Variants in PTPN22 observed in about 807,000 individuals in gnomAD.
PTPN22 encodes protein tyrosine phosphatase non-receptor type 22, also known as tyrosine-protein phosphatase non-receptor type 22.
Under a neutral mutation model 103.3 loss-of-function variants are expected in PTPN22, and 85 were observed. The observed-to-expected ratio is 0.82, with a 90% confidence interval of 0.69 to 0.99. The LOEUF (loss-of-function observed/expected upper bound fraction) is 0.99, where lower values mean the gene tolerates loss of function less well. Among genes scored for constraint, PTPN22 ranks in the 50% least tolerant of loss-of-function variants. The probability of loss-of-function intolerance (pLI) is 0.00; values close to 1 mark genes in which losing one functional copy is unlikely to be tolerated. For missense variants in PTPN22, 865 were observed against 936.9 expected (o/e 0.92, Z 1.00); for synonymous variants, 323 against 310.2 (o/e 1.04, Z -0.43).
intron 11 of PTPN22, among the ~76,000 whole-genome samples, chr1:113,842,533 G>T (rs560633030): frequency 1.3e-5 from 2 of 152,028 alleles, no homozygotes; most frequent in African/African-American, 2.4e-5. Flanking sequence ...AATTATCTGG[G>T]CGTGGTGGCA....
chr1:113,823,937 G>A (rs1661825152), intron 19 of PTPN22, among the ~76,000 whole-genome samples: 1 of 152,182 alleles, frequency 6.6e-6, no homozygotes, highest in African/African-American at 2.4e-5. Flanking sequence ...TTTGGGTAGG[G>A]AGATAGAATG....
At chr1:113,819,772 C>A in intron 19 of PTPN22, 118 bp from the exon 20 acceptor site, 1 of 530,370 alleles carries the variant, frequency 1.9e-6, no homozygotes, top group South Asian at 5.6e-5. Flanking sequence ...ATATCACTGT[C>A]AAATGTTAAC....
At chr1:113,855,838 A>G (rs935688722) in intron 7 of PTPN22, among the ~76,000 whole-genome samples, 2 of 152,216 alleles carry the variant, frequency 1.3e-5, no homozygotes, top group African/African-American at 4.8e-5. Flanking sequence ...TCATGCTGAT[A>G]TATTAAATCT....
chr1:113,855,973 G>A (rs1018371642), intron 7 of PTPN22, among the ~76,000 whole-genome samples: 5 of 152,150 alleles, frequency 3.3e-5, no homozygotes, highest in African/African-American at 1.2e-4. Context: ...GTGTGCCATG[G>A]TATAGAATAG....
intron 18 of PTPN22, among the ~76,000 whole-genome samples, chr1:113,828,641 ATAT>A (rs1236880649): frequency 6.6e-6 from 1 of 151,978 alleles, no homozygotes; most frequent in East Asian, 1.9e-4. Flanking sequence ...ATGCCATTTT[ATAT>A]TTATATTTAA....
exon 13 of PTPN22, chr1:113,837,853 T>A: frequency 6.2e-7 from 1 of 1,614,126 alleles, no homozygotes; most frequent in Non-Finnish European, 8.5e-7. Context: ...GTCATGGTGC[T>A]TTACATTAGA....
chr1:113,843,307 TG>T (rs776427103), intron 11 of PTPN22, among the ~76,000 whole-genome samples: 2 of 142,570 alleles, frequency 1.4e-5, no homozygotes, highest in African/African-American at 2.7e-5. Context: ...TGTGTGTGTG[TG>T]GTGTGTGTGT....
chr1:113,826,747 GCAAGCTCCGCCTCCCGGGTT>G (rs1357783753), intron 18 of PTPN22, among the ~76,000 whole-genome samples: 107 of 127,448 alleles, frequency 8.4e-4, no homozygotes, highest in African/African-American at 3.1e-3. Flanking sequence ...TCGGCTCACT[GCAAGCTCCGCCTCCCGGGTT>G]CACGCCATTC....
chr1:113,860,505 G>C (rs1217821905), intron 1 of PTPN22, among the ~76,000 whole-genome samples: 1 of 152,170 alleles, frequency 6.6e-6, no homozygotes, highest in East Asian at 1.9e-4. Flanking sequence ...TTTGAGAGGA[G>C]AGATACTGAA....
At chr1:113,836,673 A>G (rs899141844) in intron 13 of PTPN22, among the ~76,000 whole-genome samples, 1 of 152,086 alleles carries the variant, frequency 6.6e-6, no homozygotes, top group Non-Finnish European at 1.5e-5. Context: ...TGCACCTGTA[A>G]TCCCAGCACT....
exon 17 of PTPN22, chr1:113,829,959 G>A (rs759532960): frequency 1.8e-5 from 28 of 1,598,858 alleles, no homozygotes; most frequent in East Asian, 4.5e-5. Flanking sequence ...AATCTTCATC[G>A]GCAAGAAAGA....
intron 15 of PTPN22, 21 bp downstream of exon 15, chr1:113,834,288 A>C (rs1341387055): frequency 3.1e-6 from 5 of 1,609,470 alleles, no homozygotes; most frequent in Non-Finnish European, 4.2e-6. Flanking sequence ...AAATGAGTAG[A>C]GTCATTAAAA....
chr1:113,838,159 C>T, exon 13 of PTPN22: 1 of 1,614,124 alleles, frequency 6.2e-7, no homozygotes, highest in South Asian at 1.1e-5. Flanking sequence ...CAAATCCAAA[C>T]TTTGATGCTT....
intron 1 of PTPN22, among the ~76,000 whole-genome samples, chr1:113,869,851 T>G (rs887504702): frequency 6.6e-6 from 1 of 152,096 alleles, no homozygotes; most frequent in East Asian, 1.9e-4. Context: ...TTCCTACTTA[T>G]CTCCTTTCAG....
chr1:113,820,444 C>T (rs1336095020), intron 19 of PTPN22, among the ~76,000 whole-genome samples: 5 of 152,226 alleles, frequency 3.3e-5, no homozygotes, highest in African/African-American at 1.2e-4. Flanking sequence ...GACTGGGTGA[C>T]AGAGCAAGAC....
rs886214360 is a variant in PTPN22, at chr1:113,871,524, A to G, written c.87+13T>C. 3 of 1,612,172 alleles carry G rather than the reference A, an allele frequency of 1.9e-6. No homozygotes were observed. The highest frequency in any genetic ancestry group is 2.5e-6 in the Non-Finnish European group (3 of 1,178,240). ...TATGTAACTACCCTGAGAGGGTCAC[A>G]TACAGGACTCACCAGAAATTCATTG... On this transcript the variant is annotated intron_variant, in intron 1 of 20. Transcript: ENST00000359785.
chr1:113,868,336 G>A (rs1000496425), intron 1 of PTPN22, among the ~76,000 whole-genome samples: 14 of 152,134 alleles, frequency 9.2e-5, no homozygotes, highest in Admixed American at 5.2e-4. Flanking sequence ...AGTGAACAGT[G>A]GCCTTGTGTC....
chr1:113,834,557 C>G, intron 14 of PTPN22, 118 bp from the exon 15 acceptor site: 1 of 1,109,268 alleles, frequency 9.0e-7, no homozygotes, highest in East Asian at 2.4e-5. Flanking sequence ...CTAGTTAATT[C>G]ACACTTCATT....
chr1:113,847,332 G>A (rs1422835653), intron 11 of PTPN22, among the ~76,000 whole-genome samples: 1 of 101,562 alleles, frequency 9.8e-6, no homozygotes, highest in African/African-American at 3.7e-5. Flanking sequence ...TCTTTTTATT[G>A]TTTTGTTGTT....
Sources: allele counts gnomAD v4.1 joint callset (sites outside exome capture counted in the v4.1 genomes callset), GRCh38; gene constraint gnomAD v4.1.1; transcripts MANE v1.5; gene names NCBI Gene and HGNC (gene_info 2026-07-23, HGNC 2026-07-21).